AGO2: variants seen among roughly 807,000 people sequenced by gnomAD.
AGO2 encodes argonaute RISC catalytic component 2.
Under a neutral mutation model 102.3 loss-of-function variants are expected in AGO2, and 5 were observed. The observed-to-expected ratio is 0.05, with a 90% CI of 0.03 to 0.10. AGO2 has a LOEUF of 0.10. Among genes scored for constraint, AGO2 ranks in the 10% least tolerant of loss-of-function variants. The pLI is 1.00. For missense variants in AGO2, 541 were observed against 1,183.7 expected, an observed-to-expected ratio of 0.46 and a Z score of 7.97; for synonymous variants, 449 against 473.1, an observed-to-expected ratio of 0.95 and a Z score of 0.66.
At chr8:140,588,398 A>C (rs2073691122) in intron 1 of AGO2, among the ~76,000 whole-genome samples, 1 of 136,240 alleles carries the variant, frequency 7.3e-6, no homozygotes, top group Non-Finnish European at 1.6e-5. Flanking sequence ...ACTATACTGT[A>C]GTCTACCAAG....
chr8:140,557,317 T>G lies in AGO2; in HGVS notation c.879-81A>C, dbSNP rs558499220. On this transcript the variant is annotated intron_variant, in intron 7 of 18. Transcript: ENST00000220592. This position sits in a 1 kb window ranked among gnomAD's most constrained non-coding sequence, Gnocchi z 5.9. ...GCTGCTTTTCATTTGCGTTTGCTTTTTAGGGTGACGTGTGAGGAGCAAACA... is the reference window on the plus strand; with the variant it reads ...GCTGCTTTTCATTTGCGTTTGCTTTGTAGGGTGACGTGTGAGGAGCAAACA... 2 of 1,508,156 alleles carry G rather than the reference T, an allele frequency of 1.3e-6. No individual in the cohort carries two copies. The highest frequency in any genetic ancestry group is 2.7e-5 in the South Asian group (2 of 74,764). The allele number at this position is 1,508,156 out of a possible 1,614,324, so 93.4% of individuals were successfully genotyped here.
intron 1 of AGO2, among the ~76,000 whole-genome samples, chr8:140,619,569 C>T (rs374343303): frequency 5.9e-5 from 9 of 152,280 alleles, no homozygotes; most frequent in African/African-American, 1.9e-4. Flanking sequence ...CACTGCGCCG[C>T]AGAGCACAGA....
At chr8:140,536,488 G>A (rs1465334425) in intron 16 of AGO2, among the ~76,000 whole-genome samples, 1 of 151,974 alleles carries the variant, frequency 6.6e-6, no homozygotes, top group East Asian at 1.9e-4. Flanking sequence ...CACCACGGCC[G>A]GCTAATTTTT....
At chr8:140,631,883 C>A (rs2074345925) in intron 1 of AGO2, among the ~76,000 whole-genome samples, 1 of 152,184 alleles carries the variant, frequency 6.6e-6, no homozygotes, top group South Asian at 2.1e-4. Context: ...ATGTGGAGAA[C>A]CCTGATGACT....
intron 14 of AGO2, among the ~76,000 whole-genome samples, chr8:140,543,488 C>T (rs1282733229): frequency 6.6e-6 from 1 of 152,162 alleles, no homozygotes; most frequent in East Asian, 1.9e-4. Context: ...GAAAATCTCA[C>T]TTTGTTGGCC....
intron 2 of AGO2, among the ~76,000 whole-genome samples, chr8:140,583,699 T>A (rs943477141): frequency 6.6e-6 from 1 of 151,954 alleles, no homozygotes; most frequent in African/African-American, 2.4e-5. Flanking sequence ...TATGGTGAAA[T>A]CCTGTCTCTA....
intron 2 of AGO2, among the ~76,000 whole-genome samples, chr8:140,579,962 T>C (rs2073529296): frequency 2.0e-5 from 3 of 152,160 alleles, no homozygotes; most frequent in South Asian, 4.1e-4. Flanking sequence ...TTGACGGAGC[T>C]CAAGACGAAC....
At chr8:140,569,668 G>A (rs2073346609) in intron 3 of AGO2, among the ~76,000 whole-genome samples, 1 of 152,190 alleles carries the variant, frequency 6.6e-6, no homozygotes, top group Admixed American at 6.5e-5. Flanking sequence ...GAACCCAGGA[G>A]TTCAACCCAA....
intron 1 of AGO2, among the ~76,000 whole-genome samples, chr8:140,631,018 C>T (rs1055113033): frequency 6.6e-6 from 1 of 152,160 alleles, no homozygotes; most frequent in Non-Finnish European, 1.5e-5. Context: ...TGTGTAACTG[C>T]ACTCCAGCTT....
At chr8:140,610,028 T>TAAAAAA (rs55637374) in intron 1 of AGO2, among the ~76,000 whole-genome samples, 2 of 126,550 alleles carry the variant, frequency 1.6e-5, no homozygotes, top group Non-Finnish European at 3.3e-5. Flanking sequence ...ACCTTGACTC[T>TAAAAAA]AAAAAAAAAA....
rs527511495 is a variant in AGO2 at position 140,623,362 on chromosome 8, A to G, written c.22+12123T>C. The stretch of plus-strand genomic sequence containing the variant: ...AGCGGTTTGGAAGTAGACAGCGATG[A>G]TGGCTGCACCACACTGTGAATGCGC... On this transcript the variant is annotated intron_variant, in intron 1 of 18. Coordinates refer to ENST00000220592, the MANE Select transcript of AGO2 (RefSeq NM_012154.5). Among the ~76,000 whole-genome samples, 4 of 152,258 alleles carry G rather than the reference A, an allele frequency of 2.6e-5. No homozygotes were observed. The South Asian group carries it at 8.3e-4, about 32-fold the overall frequency.
chr8:140,613,059 G>A (rs1296693488), intron 1 of AGO2, among the ~76,000 whole-genome samples: 1 of 151,962 alleles, frequency 6.6e-6, no homozygotes, highest in Non-Finnish European at 1.5e-5. Flanking sequence ...AATTAGCCAG[G>A]TGTGGTGGCA....
intron 12 of AGO2, among the ~76,000 whole-genome samples, chr8:140,548,620 G>A (rs934260344): frequency 1.3e-5 from 2 of 152,226 alleles, no homozygotes; most frequent in Admixed American, 1.3e-4. Context: ...ATGTTGAACT[G>A]AGAGAAGTGT....
At chr8:140,542,506 G>A (rs1447991547) in intron 14 of AGO2, among the ~76,000 whole-genome samples, 3 of 148,802 alleles carry the variant, frequency 2.0e-5, no homozygotes, top group Non-Finnish European at 3.0e-5. Flanking sequence ...ACAGAAATCT[G>A]TTCCTATTGA....
At chr8:140,541,429 C>A in intron 14 of AGO2, 71 bp from the exon 15 acceptor site, 1 of 1,399,274 alleles carries the variant, frequency 7.1e-7, no homozygotes, top group East Asian at 2.4e-5. Context: ...TGCCTGGACT[C>A]TCGGGAAGAT....
At position 140,562,750 on chromosome 8, in the gene AGO2, T is replaced by A. The variant is rs1464597763; in HGVS notation, c.337-116A>T. 18 of 1,225,124 alleles carry A rather than the reference T, an allele frequency of 1.5e-5. 1 individual carries two copies. The South Asian group carries it at 2.6e-4, about 18-fold the overall frequency. 75.9% of individuals were successfully genotyped at this position (1,225,124 alleles called of 1,614,324 possible). On this transcript the variant is annotated intron_variant, in intron 3 of 18. Transcript: ENST00000220592. Reference sequence around the variant, plus strand: ...GGGTGAGGAAGTCCCCGCCCAGGCCTCTAGCCAACCACTAGCCACATGTGG... The same window carrying A: ...GGGTGAGGAAGTCCCCGCCCAGGCCACTAGCCAACCACTAGCCACATGTGG...
At position 140,567,263 on chromosome 8, in the gene AGO2, G is replaced by A. The variant is rs909281608; in HGVS notation, c.337-4629C>T. On this transcript the variant is annotated intron_variant, in intron 3 of 18. Transcript: ENST00000220592. This position sits in a 1 kb window ranked among gnomAD's most constrained non-coding sequence, Gnocchi z 5.0. The stretch of plus-strand genomic sequence containing the variant: ...CGTCCACAGTGGCTGGCTGGTGCTC[G>A]TGTGTGGCAGCTTAGGGCTGCATGG... Among the ~76,000 whole-genome samples, 3 of 152,250 alleles carry A rather than the reference G, an allele frequency of 2.0e-5. No homozygotes were observed. The highest frequency in any genetic ancestry group is 7.2e-5 in the African/African-American group (3 of 41,456).
At chr8:140,566,381 C>T (rs2073284474) in intron 3 of AGO2, among the ~76,000 whole-genome samples, 1 of 152,194 alleles carries the variant, frequency 6.6e-6, no homozygotes, top group African/African-American at 2.4e-5. Flanking sequence ...TTGTAAATTG[C>T]CCAGTCTTTA....
intron 3 of AGO2, among the ~76,000 whole-genome samples, chr8:140,564,548 G>A (rs2073250381): frequency 6.6e-6 from 1 of 152,168 alleles, no homozygotes; most frequent in Non-Finnish European, 1.5e-5. Flanking sequence ...AGACAGAGGG[G>A]ATCCTTTATA....
Sources: gnomAD v4.1 joint callset for allele counts (sites outside exome capture counted in the v4.1 genomes callset) on GRCh38, gnomAD v4.1.1 for gene constraint, Gnocchi (gnomAD v3.1) non-coding constraint, MANE v1.5 for transcripts, NCBI Gene and HGNC (gene_info 2026-07-23, HGNC 2026-07-21) for gene names.